Variants in UCK2 observed in about 807,000 individuals in gnomAD.
UCK2 encodes the protein cytidine monophosphokinase 2.
Under a neutral mutation model 30.8 loss-of-function variants are expected in UCK2, and 6 were observed. The ratio of observed to expected loss-of-function variants is 0.19; its 90% confidence interval spans 0.11 to 0.38. The LOEUF (loss-of-function observed/expected upper bound fraction) is 0.38. UCK2 is among the 10% of genes least tolerant of loss of function. The pLI, the probability that UCK2 is intolerant of heterozygous loss-of-function variation, is 1.00. For missense variants in UCK2, 210 were observed against 339.8 expected (o/e 0.62, Z 3.00); for synonymous variants, 125 against 133.6 (o/e 0.94, Z 0.45).
rs139021662 is a variant in UCK2, at chr1:165,840,782, A to G, written c.99+12850A>G. Among the ~76,000 whole-genome samples, 193 of 152,288 alleles carry G rather than the reference A, an allele frequency of 1.3e-3. 1 individual carries two copies. Among genetic ancestry groups the G allele is most frequent in the Admixed American group, 2.0e-3 (31 of 15,298 alleles). On this transcript the variant is annotated intron_variant, in intron 1 of 6. Transcript: ENST00000367879. ...TAGTTAAGTTGTGCCTTTTTCCTAA[A>G]GGAGTTAAGGTCTCTTGTTTTGTAG...
At chr1:165,854,801 A>G (rs181563180) in intron 1 of UCK2, among the ~76,000 whole-genome samples, 1 of 152,048 alleles carries the variant, frequency 6.6e-6, no homozygotes, top group Non-Finnish European at 1.5e-5. Context: ...TTTCTAGTCC[A>G]TGAATACTAC....
intron 1 of UCK2, among the ~76,000 whole-genome samples, chr1:165,852,524 C>T (rs1318946321): frequency 6.6e-6 from 1 of 152,210 alleles, no homozygotes; most frequent in Non-Finnish European, 1.5e-5. Context: ...GATACCACCA[C>T]ACGCCAGTCA....
intron 3 of UCK2, among the ~76,000 whole-genome samples, chr1:165,893,933 A>G (rs565999163): frequency 2.6e-4 from 39 of 152,256 alleles, no homozygotes; most frequent in Non-Finnish European, 5.1e-4. Flanking sequence ...TGCTCTTAAT[A>G]TCTAGTGTCA....
At chr1:165,891,382 T>TCAGTGCAGACCAG in intron 3 of UCK2, 60 bp downstream of exon 3, 1 of 1,487,204 alleles carries the variant, frequency 6.7e-7, no homozygotes, top group Non-Finnish European at 9.4e-7. Flanking sequence ...ATCCCTGGTC[T>TCAGTGCAGACCAG]GCACTGAGAC....
chr1:165,828,062 G>T (rs1479332075), intron 1 of UCK2, 130 bp downstream of exon 1: 15 of 561,314 alleles, frequency 2.7e-5, no homozygotes, highest in Non-Finnish European at 3.3e-5. Context: ...TCCCGGCCGC[G>T]CTCCAGCGCC....
intron 1 of UCK2, among the ~76,000 whole-genome samples, chr1:165,880,588 T>G (rs1246487413): frequency 3.0e-4 from 30 of 99,068 alleles, no homozygotes; most frequent in South Asian, 5.6e-4. Context: ...TGTGTGTGTG[T>G]GTGTGTGTGT....
chr1:165,828,331 C>T (rs556780002), intron 1 of UCK2, among the ~76,000 whole-genome samples: 2 of 152,276 alleles, frequency 1.3e-5, no homozygotes, highest in East Asian at 1.9e-4. Context: ...TCCCTCAAGC[C>T]CCGGTCTGGC....
intron 1 of UCK2, among the ~76,000 whole-genome samples, chr1:165,874,397 G>C (rs1049869368): frequency 2.6e-5 from 4 of 152,202 alleles, no homozygotes; most frequent in Non-Finnish European, 5.9e-5. Flanking sequence ...CACGTACAGA[G>C]CCGTCCAGTG....
chr1:165,895,102 C>T (rs990742471), intron 3 of UCK2, among the ~76,000 whole-genome samples: 1 of 152,170 alleles, frequency 6.6e-6, no homozygotes, highest in Non-Finnish European at 1.5e-5. Flanking sequence ...AGCAATGTTT[C>T]ACCCTTCTTG....
chr1:165,874,863 C>T (rs1486825011), intron 1 of UCK2, among the ~76,000 whole-genome samples: 2 of 152,164 alleles, frequency 1.3e-5, no homozygotes, highest in Non-Finnish European at 2.9e-5. Flanking sequence ...GGAACACTAA[C>T]TCTTAAGGAA....
chr1:165,896,443 T>A, intron 4 of UCK2, 111 bp downstream of exon 4: 1 of 1,280,746 alleles, frequency 7.8e-7, no homozygotes, highest in Non-Finnish European at 1.1e-6. Context: ...ATGCCTTCCC[T>A]GAGGCAGCTG....
intron 1 of UCK2, among the ~76,000 whole-genome samples, chr1:165,831,572 T>C (rs1342537865): frequency 2.6e-5 from 4 of 152,178 alleles, no homozygotes; most frequent in African/African-American, 9.7e-5. Context: ...ACAACTAAAA[T>C]AGCCTCTGAA....
intron 1 of UCK2, among the ~76,000 whole-genome samples, chr1:165,844,877 C>CA (rs1460048708): frequency 2.6e-5 from 4 of 152,204 alleles, no homozygotes; most frequent in African/African-American, 7.2e-5. Flanking sequence ...CCACATGCCT[C>CA]ACCCTTTGCG....
intron 1 of UCK2, among the ~76,000 whole-genome samples, chr1:165,855,600 G>A (rs1019446794): frequency 4.6e-5 from 7 of 150,934 alleles, no homozygotes; most frequent in Admixed American, 1.3e-4. Flanking sequence ...GGACATTCCC[G>A]GGTTTCTGTT....
intron 1 of UCK2, among the ~76,000 whole-genome samples, chr1:165,833,931 T>C (rs76945563): frequency 0.021 from 3,229 of 152,208 alleles, 116 homozygotes; most frequent in African/African-American, 0.072. Flanking sequence ...AATATATAAG[T>C]ATAACCCATA....
chr1:165,885,204 G>A, intron 1 of UCK2: 1 of 391,056 alleles, frequency 2.6e-6, no homozygotes, highest in East Asian at 3.6e-5. Flanking sequence ...TTCTAAAATA[G>A]TGAAAAGAAT....
chr1:165,848,560 G>A lies in UCK2; in HGVS notation c.99+20628G>A, dbSNP rs180859175. On this transcript the variant is annotated intron_variant, in intron 1 of 6. Transcript: ENST00000367879. ...GGCAGGAGAATCGCTTGAACCCACC[G>A]AGGCGGAGGTTGTAGTGAGCTGAGA... Among the ~76,000 whole-genome samples, 47 of 144,290 alleles carry A rather than the reference G, an allele frequency of 3.3e-4. No individual in the cohort carries two copies. In the East Asian group the frequency reaches 8.5e-3, roughly 26 times the overall value. 94.7% of individuals were successfully genotyped at this position (144,290 alleles called of 152,430 possible).
In UCK2 at chr1:165,832,886, C is replaced by T. The variant is rs143233086; in HGVS notation, c.99+4954C>T. ...ACAGGCATGAGCCTCTGTGCCCGGC[C>T]GGTTTTTTTTCTTAAAATCTGTACC... On this transcript the variant is annotated intron_variant, in intron 1 of 6. Transcript: ENST00000367879. Among the ~76,000 whole-genome samples the T allele has an allele frequency of 4.6e-5, 7 of 152,240 alleles. No individual in the cohort carries two copies. The East Asian group carries it at 5.8e-4, about 13-fold the overall frequency.
intron 3 of UCK2, chr1:165,892,656 A>T (rs1316894016): frequency 6.6e-6 from 1 of 152,244 alleles, no homozygotes; most frequent in Non-Finnish European, 1.5e-5. Flanking sequence ...TGTCACGTTG[A>T]CAAGAGACAT....
Sources: allele counts gnomAD v4.1 joint callset (sites outside exome capture counted in the v4.1 genomes callset), GRCh38; gene constraint gnomAD v4.1.1; transcripts MANE v1.5; gene names NCBI Gene and HGNC (gene_info 2026-07-23, HGNC 2026-07-21).